The following CNOT6 variants were observed in gnomAD, a reference collection of about 807,000 sequenced individuals.
CNOT6 encodes CCR4-NOT transcription complex subunit 6.
A neutral mutation model predicts 61.2 loss-of-function variants in CNOT6; 12 were observed. The ratio of observed to expected loss-of-function variants is 0.20; its 90% CI spans 0.13 to 0.32. The LOEUF (loss-of-function observed/expected upper bound fraction) is 0.32. CNOT6 is among the 10% of genes least tolerant of loss of function. CNOT6 has a pLI of 1.00. For synonymous variants in CNOT6, 225 were observed against 240.6 expected (o/e 0.94, Z 0.60); for missense variants, 405 against 663.9 (o/e 0.61, Z 4.28).
chr5:180,508,830 A>ATT (rs777763291), intron 1 of CNOT6, among the ~76,000 whole-genome samples: 6,172 of 117,972 alleles, frequency 0.052, 134 homozygotes, highest in African/African-American at 0.064. Flanking sequence ...TATTATTATT[A>ATT]TTATTTTTTT....
chr5:180,571,777 G>C (rs1760760920), intron 11 of CNOT6, among the ~76,000 whole-genome samples: 1 of 152,104 alleles, frequency 6.6e-6, no homozygotes, highest in African/African-American at 2.4e-5. Flanking sequence ...TGCCCAGGCT[G>C]ATCTTGAACT....
At chr5:180,507,779 G>A (rs368981366) in intron 1 of CNOT6, among the ~76,000 whole-genome samples, 7 of 134,382 alleles carry the variant, frequency 5.2e-5, no homozygotes, top group South Asian at 2.4e-4. Context: ...TGCAGGAAAC[G>A]TGGCTGGGGA....
intron 1 of CNOT6, among the ~76,000 whole-genome samples, chr5:180,498,156 C>A (rs749562552): frequency 6.6e-6 from 1 of 151,782 alleles, no homozygotes; most frequent in Non-Finnish European, 1.5e-5. Flanking sequence ...AAGTAATTAG[C>A]GAGGTGGGGG....
At chr5:180,519,072 T>C (rs1192346946) in intron 1 of CNOT6, among the ~76,000 whole-genome samples, 2 of 152,222 alleles carry the variant, frequency 1.3e-5, no homozygotes, top group African/African-American at 4.8e-5. Context: ...TTCCAGAGTT[T>C]ATTCAGGAAT....
intron 1 of CNOT6, among the ~76,000 whole-genome samples, chr5:180,500,155 A>T (rs548849282): frequency 1.3e-4 from 19 of 149,698 alleles, no homozygotes; most frequent in African/African-American, 4.2e-4. Flanking sequence ...CTTTCTTGAC[A>T]GGGTCTCACT....
At chr5:180,538,873 T>C (rs540895350) in intron 2 of CNOT6, among the ~76,000 whole-genome samples, 4 of 150,416 alleles carry the variant, frequency 2.7e-5, no homozygotes, top group African/African-American at 9.8e-5. Flanking sequence ...AGTGAGACCC[T>C]CTCTCAAAAG....
At chr5:180,557,361 A>AGCAGTGCGCGG (rs146032215) in intron 4 of CNOT6, among the ~76,000 whole-genome samples, 4 of 151,962 alleles carry the variant, frequency 2.6e-5, no homozygotes, top group Admixed American at 6.6e-5. Context: ...TACATTGTAA[A>AGCAGTGCGCGG]GTGATTCACT....
At chr5:180,571,516 G>T in intron 11 of CNOT6, 84 bp downstream of exon 11, 5 of 990,338 alleles carry the variant, frequency 5.0e-6, no homozygotes, top group Non-Finnish European at 6.3e-6. Flanking sequence ...TAAAACTGTG[G>T]CTGTGTGTTC....
intron 1 of CNOT6, among the ~76,000 whole-genome samples, chr5:180,497,285 C>G (rs1441561919): frequency 6.7e-6 from 1 of 148,374 alleles, no homozygotes; most frequent in African/African-American, 2.5e-5. Context: ...CAGGATCACG[C>G]CACTGCACTT....
At chr5:180,503,724 G>C (rs576339726) in intron 1 of CNOT6, among the ~76,000 whole-genome samples, 7 of 147,420 alleles carry the variant, frequency 4.7e-5, no homozygotes, top group Middle Eastern at 7.1e-3. Context: ...CCTTGCCTCA[G>C]CCTCCCGAGT....
At chr5:180,556,672 C>T (rs955663033) in intron 4 of CNOT6, among the ~76,000 whole-genome samples, 2 of 152,138 alleles carry the variant, frequency 1.3e-5, no homozygotes, top group South Asian at 2.1e-4. Context: ...ATGCTACCAT[C>T]CCGGGCGCAG....
At chr5:180,531,064 C>T (rs1002229458) in intron 2 of CNOT6, among the ~76,000 whole-genome samples, 2 of 152,160 alleles carry the variant, frequency 1.3e-5, no homozygotes, top group African/African-American at 4.8e-5. Context: ...ATGGCCCGTT[C>T]TCAATGAGCT....
intron 2 of CNOT6, among the ~76,000 whole-genome samples, chr5:180,531,014 A>G (rs1456345227): frequency 6.6e-6 from 1 of 152,000 alleles, no homozygotes; most frequent in Non-Finnish European, 1.5e-5. Context: ...TTTTCCCCAC[A>G]TTTCCCCCTT....
chr5:180,566,686 C>T (rs1250925030), intron 7 of CNOT6, among the ~76,000 whole-genome samples: 1 of 113,994 alleles, frequency 8.8e-6, no homozygotes, highest in Non-Finnish European at 1.7e-5. Flanking sequence ...GGGAGACAGG[C>T]TCTTTCTCTG....
At chr5:180,538,685 G>GATATATATATATATAT (rs1758843740) in intron 2 of CNOT6, among the ~76,000 whole-genome samples, 1 of 84,246 alleles carries the variant, frequency 1.2e-5, no homozygotes, top group Non-Finnish European at 2.2e-5. Flanking sequence ...CTGAGAAAAA[G>GATATATATATATATAT]GTATATATAT....
At chr5:180,514,549 G>C (rs1167335505) in intron 1 of CNOT6, among the ~76,000 whole-genome samples, 1 of 152,220 alleles carries the variant, frequency 6.6e-6, no homozygotes, top group Non-Finnish European at 1.5e-5. Context: ...GTACCAATTA[G>C]AAGAGGCCAT....
At chr5:180,518,507 G>C (rs951099070) in intron 1 of CNOT6, among the ~76,000 whole-genome samples, 2 of 151,864 alleles carry the variant, frequency 1.3e-5, no homozygotes, top group African/African-American at 4.8e-5. Context: ...GTGTGTGTGG[G>C]GGGGAGGAGG....
intron 4 of CNOT6, among the ~76,000 whole-genome samples, chr5:180,562,523 G>C (rs946660899): frequency 6.6e-6 from 1 of 152,134 alleles, no homozygotes; most frequent in Non-Finnish European, 1.5e-5. Flanking sequence ...GGTGGATCAC[G>C]AGGTCAGGAG....
intron 2 of CNOT6, among the ~76,000 whole-genome samples, chr5:180,544,617 T>C (rs1349283835): frequency 6.6e-6 from 1 of 152,220 alleles, no homozygotes; most frequent in Non-Finnish European, 1.5e-5. Context: ...AATTGTCAGC[T>C]TATTTTTCTG....
Sources: allele counts gnomAD v4.1 joint callset (sites outside exome capture counted in the v4.1 genomes callset), GRCh38; gene constraint gnomAD v4.1.1; transcripts MANE v1.5; gene names NCBI Gene and HGNC (gene_info 2026-07-23, HGNC 2026-07-21).